PRKAG1: variants seen among roughly 807,000 people sequenced by gnomAD.
PRKAG1 encodes protein kinase AMP-activated non-catalytic subunit gamma 1.
Under a neutral mutation model 48.2 loss-of-function variants are expected in PRKAG1, and 27 were observed. That is an observed-to-expected ratio of 0.56 (90% CI 0.41 to 0.77). The LOEUF is 0.77. Among genes scored for constraint, PRKAG1 ranks in the 30% least tolerant of loss-of-function variants. The pLI is 0.00. For synonymous variants in PRKAG1, 130 were observed against 147.7 expected (o/e 0.88, Z 0.87); for missense variants, 287 against 398.3 (o/e 0.72, Z 2.38).
rs199988186 is a variant in PRKAG1, at chr12:49,003,827, G to A, written c.633C>T (p.Thr211=). The change falls in exon 9 of 12, where the codon ACC becomes ACT. Residue 211 remains threonine (T), a synonymous_variant. Coordinates refer to ENST00000548065, the MANE Select transcript of PRKAG1 (RefSeq NM_002733.5). ...AAATCCCCAGAGCCACATAGACGGG[G>A]GTGGTAGTGCGAACCATAGCAATAT... ...YANIAMVRTT[T]PVYVALGIFV... 63 of 1,614,028 alleles carry A rather than the reference G, an allele frequency of 3.9e-5. No individual in the cohort carries two copies. Among genetic ancestry groups the A allele is most frequent in the Non-Finnish European group, 4.9e-5 (58 of 1,180,016 alleles).
intron 2 of PRKAG1, 95 bp downstream of exon 2, chr12:49,012,967 T>C (rs1288517236): frequency 7.6e-7 from 1 of 1,323,102 alleles, no homozygotes; most frequent in African/African-American, 1.5e-5. Flanking sequence ...CCTGCTTTGA[T>C]TTTTCCAGGG....
In PRKAG1 at chr12:49,013,995, G is replaced by A. The variant is rs182403025; in HGVS notation, c.10-885C>T. 9.9e-5 allele frequency among the ~76,000 whole-genome samples: 15 copies of A among 151,932 alleles called. No individual in the cohort carries two copies. The East Asian group carries it at 2.9e-3, about 29-fold the overall frequency. Reference sequence around the variant, plus strand: ...CTCCTCCTGGGTTCAAGCAATTCCCGTGCCTCAGCCTCCTGAGAGCTGGAA... The same window carrying A: ...CTCCTCCTGGGTTCAAGCAATTCCCATGCCTCAGCCTCCTGAGAGCTGGAA... On this transcript the variant is annotated intron_variant, in intron 1 of 11. Transcript: ENST00000548065.
At chr12:49,009,633 A>G (rs1273676537) in intron 2 of PRKAG1, among the ~76,000 whole-genome samples, 1 of 151,842 alleles carries the variant, frequency 6.6e-6, no homozygotes, top group Non-Finnish European at 1.5e-5. Flanking sequence ...TTTTTTTGAG[A>G]CAGAGTTTCA....
At chr12:49,016,161 G>T (rs1395375799) in intron 1 of PRKAG1, among the ~76,000 whole-genome samples, 4 of 151,950 alleles carry the variant, frequency 2.6e-5, no homozygotes, top group African/African-American at 9.7e-5. Flanking sequence ...CTAGTCTTGA[G>T]CTCCTGGGCT....
At chr12:49,011,395 T>G (rs1592281249) in intron 2 of PRKAG1, among the ~76,000 whole-genome samples, 1 of 151,634 alleles carries the variant, frequency 6.6e-6, no homozygotes, top group Non-Finnish European at 1.5e-5. Flanking sequence ...TAATTTTTTG[T>G]AGAGACAGGG....
intron 1 of PRKAG1, among the ~76,000 whole-genome samples, chr12:49,015,699 A>C (rs533680398): frequency 5.9e-5 from 9 of 152,208 alleles, no homozygotes; most frequent in African/African-American, 2.2e-4. Flanking sequence ...CAGCCTCCCA[A>C]GTAGCTGGGA....
chr12:49,013,155 A>C, intron 1 of PRKAG1, 45 bp from the exon 2 acceptor site: 1 of 1,552,574 alleles, frequency 6.4e-7, no homozygotes, highest in Non-Finnish European at 8.9e-7. Flanking sequence ...GGTTCCATCC[A>C]TTTTAGCCTA....
In PRKAG1 at chr12:49,012,882, C is replaced by G. The variant is rs1941814564; in HGVS notation, c.58+180G>C. Reference sequence around the variant, plus strand: ...ATTGAAGATATTAATCATCCCCACTCTGCCCAAGATTTATTCCTGGGTGAT... The same window carrying G: ...ATTGAAGATATTAATCATCCCCACTGTGCCCAAGATTTATTCCTGGGTGAT... On this transcript the variant is annotated intron_variant, in intron 2 of 11. Coordinates refer to ENST00000548065, the MANE Select transcript of PRKAG1 (RefSeq NM_002733.5). The G allele has an allele frequency of 8.2e-6, 5 of 612,746 alleles. No homozygotes were observed. In the African/African-American group the frequency reaches 9.3e-5, roughly 11 times the overall value. 38.0% of individuals were successfully genotyped at this position (612,746 alleles called of 1,614,324 possible).
chr12:49,005,430 A>G lies in PRKAG1; in HGVS notation c.250+32T>C, dbSNP rs1049706125. The G allele has an allele frequency of 6.2e-7, 1 of 1,614,100 alleles. No homozygotes were observed. The highest frequency in any genetic ancestry group is 8.5e-7 in the Non-Finnish European group (1 of 1,180,032). ...GTCTCCCTGCCCAGCACAAGATGCC[A>G]ATAATATTGTGTTCCAGAAACTTTT... On this transcript the variant is annotated intron_variant, in intron 4 of 11. Transcript: ENST00000548065. This position sits in a 1 kb window ranked among gnomAD's most constrained non-coding sequence, Gnocchi z 4.1.
At chr12:49,017,458 T>C (rs1942037115) in intron 1 of PRKAG1, 1 of 307,976 alleles carries the variant, frequency 3.2e-6, no homozygotes, top group East Asian at 9.8e-5. Flanking sequence ...GCAATCCACT[T>C]GCCTTGGCCT....
chr12:49,005,694 A>AT lies in PRKAG1; in HGVS notation c.168+48dup. The stretch of plus-strand genomic sequence containing the variant: ...CTTAGGATGAGATAGGATGAGAGGT[A>AT]TTAAACCACAGGCTCCAAAGGGGGA... On this transcript the variant is annotated intron_variant, in intron 3 of 11. Coordinates refer to ENST00000548065, the MANE Select transcript of PRKAG1 (RefSeq NM_002733.5). This position sits in a 1 kb window ranked among gnomAD's most constrained non-coding sequence, Gnocchi z 4.1. The AT allele has an allele frequency of 6.2e-7, 1 of 1,607,798 alleles. No homozygotes were observed. Among genetic ancestry groups the AT allele is most frequent in the South Asian group, 1.1e-5 (1 of 90,786 alleles).
intron 8 of PRKAG1, 70 bp downstream of exon 8, chr12:49,004,437 C>T: frequency 6.3e-7 from 1 of 1,577,898 alleles, no homozygotes. Context: ...GACCTCGTCT[C>T]TCTTTTCAAT....
At chr12:49,006,706 A>AT (rs1941549567) in intron 2 of PRKAG1, among the ~76,000 whole-genome samples, 1 of 152,186 alleles carries the variant, frequency 6.6e-6, no homozygotes, top group African/African-American at 2.4e-5. Context: ...GTGGTGGCTC[A>AT]TGCCTGTAAT....
In PRKAG1 at chr12:49,005,519, C is replaced by A; in HGVS notation, c.193G>T (p.Val65Leu). The A allele has an allele frequency of 1.2e-6, 2 of 1,614,072 alleles. No homozygotes were observed. Among genetic ancestry groups the A allele is most frequent in the Non-Finnish European group, 1.7e-6 (2 of 1,180,000 alleles). The change falls in exon 4 of 12, where the codon GTG (valine) becomes TTG (leucine). Residue 65 changes from valine to leucine, a missense_variant. Transcript: ENST00000548065. This position sits in a 1 kb window ranked among gnomAD's most constrained non-coding sequence, Gnocchi z 4.1. ...GGGGCAGCTCGTACACCGTTAGTCA[C>A]CAAAGCAAAAAAAGCTTTCTTCACC... ...LQVKKAFFAL[V>L]TNGVRAAPLW...
chr12:49,018,727 C>T lies in PRKAG1; in HGVS notation c.9+5G>A, dbSNP rs749889326. 1 of 1,613,344 alleles carries T rather than the reference C, an allele frequency of 6.2e-7. No individual in the cohort carries two copies. Among genetic ancestry groups the T allele is most frequent in the South Asian group, 1.1e-5 (1 of 90,986 alleles). ...CGCCCCCGACCGCCCTCCTGCACTC[C>T]TCACCGTCTCCATTGCAAGAGGCGC... On this transcript the variant is annotated splice_donor_5th_base_variant and intron_variant, in intron 1 of 11. Coordinates refer to ENST00000548065, the MANE Select transcript of PRKAG1 (RefSeq NM_002733.5).
intron 2 of PRKAG1, 57 bp downstream of exon 2, chr12:49,013,005 A>C: frequency 6.7e-7 from 1 of 1,495,494 alleles, no homozygotes; most frequent in Non-Finnish European, 9.3e-7. Flanking sequence ...TGTTGAAGAC[A>C]TTGTTAGGGT....
At position 49,004,572 on chromosome 12, in the gene PRKAG1, G is replaced by T. The variant is rs767937317; in HGVS notation, c.472C>A (p.Pro158Thr). ...ATGTACAAAGTATTGCCTGATTCTG[G>T]GTCAATAACTGGCAGCCTGTGGATC... ...NKIHRLPVIDPESGNTLYILT... is the reference protein window; with the variant it reads ...NKIHRLPVIDTESGNTLYILT... The change falls in exon 8 of 12, where the codon CCA (proline) becomes ACA (threonine). Residue 158 changes from proline to threonine, a missense_variant. Around this residue, in one of 2 missense-constraint regions of PRKAG1, gnomAD observed 224 missense variants for 344.3 expected, o/e 0.65. Transcript: ENST00000548065. 3.1e-6 allele frequency: 5 copies of T among 1,614,024 alleles called. No individual in the cohort carries two copies. Among genetic ancestry groups the T allele is most frequent in the Non-Finnish European group, 8.5e-7 (1 of 1,179,960 alleles).
chr12:49,012,922 G>T, intron 2 of PRKAG1, 140 bp downstream of exon 2: 1 of 783,752 alleles, frequency 1.3e-6, no homozygotes, highest in Non-Finnish European at 2.1e-6. Flanking sequence ...CCAAACTACT[G>T]TCACTGATTT....
chr12:49,005,681 T>C lies in PRKAG1; in HGVS notation c.168+62A>G. 13 of 1,607,658 alleles carry C rather than the reference T, an allele frequency of 8.1e-6. No homozygotes were observed. The highest frequency in any genetic ancestry group is 1.1e-5 in the Non-Finnish European group (13 of 1,174,552). On this transcript the variant is annotated intron_variant, in intron 3 of 11. Transcript: ENST00000548065. This position sits in a 1 kb window ranked among gnomAD's most constrained non-coding sequence, Gnocchi z 4.1. ...TAAGGATATTACCCTTAGGATGAGA[T>C]AGGATGAGAGGTATTAAACCACAGG...
Sources: gnomAD v4.1 joint callset for allele counts (sites outside exome capture counted in the v4.1 genomes callset) on GRCh38, gnomAD v4.1.1 for gene constraint, gnomAD v4.1.1 regional missense constraint, Gnocchi (gnomAD v3.1) non-coding constraint, MANE v1.5 for transcripts, NCBI Gene and HGNC (gene_info 2026-07-23, HGNC 2026-07-21) for gene names.